The following MIPOL1 variants were observed in gnomAD, a reference collection of about 807,000 sequenced individuals.
MIPOL1 encodes the protein mirror-image polydactyly gene 1 protein.
A neutral mutation model predicts 60.9 loss-of-function variants in MIPOL1; 57 were observed. That is an observed-to-expected ratio of 0.94 (90% confidence interval 0.76 to 1.17). The LOEUF is 1.17. Among genes scored for constraint, MIPOL1 ranks in the 50% most tolerant of loss-of-function variants. The pLI is 0.00. For missense variants in MIPOL1, 551 were observed against 511.6 expected (o/e 1.08, Z -0.74); for synonymous variants, 179 against 168.8 (o/e 1.06, Z -0.47).
chr14:37,390,513 T>C (rs1326563930), intron 10 of MIPOL1, among the ~76,000 whole-genome samples: 2 of 152,194 alleles, frequency 1.3e-5, no homozygotes, highest in East Asian at 3.9e-4. Context: ...ACAGGGACTT[T>C]ACAATAGCTA....
At chr14:37,239,825 A>T (rs903613459) in intron 1 of MIPOL1, among the ~76,000 whole-genome samples, 1 of 152,208 alleles carries the variant, frequency 6.6e-6, no homozygotes, top group Non-Finnish European at 1.5e-5. Flanking sequence ...CTTGATAATG[A>T]ACAAGAAATT....
intron 11 of MIPOL1, among the ~76,000 whole-genome samples, chr14:37,448,860 A>G (rs2094377248): frequency 1.3e-5 from 2 of 152,220 alleles, no homozygotes; most frequent in Non-Finnish European, 1.5e-5. Context: ...GGTCACTCAT[A>G]GTTTTTGCAT....
At chr14:37,425,823 C>T (rs993522891) in intron 11 of MIPOL1, among the ~76,000 whole-genome samples, 8 of 152,084 alleles carry the variant, frequency 5.3e-5, no homozygotes, top group Non-Finnish European at 1.2e-4. Context: ...ATGATAAGGA[C>T]CAAAGGTATC....
At chr14:37,509,114 T>C (rs1475935634) in intron 12 of MIPOL1, among the ~76,000 whole-genome samples, 1 of 152,090 alleles carries the variant, frequency 6.6e-6, no homozygotes, top group East Asian at 1.9e-4. Flanking sequence ...GTCATCTATT[T>C]CCTTAAGCTT....
At chr14:37,520,926 CTTTTTTTTTTT>C (rs11299536) in intron 12 of MIPOL1, among the ~76,000 whole-genome samples, 16 of 47,724 alleles carry the variant, frequency 3.4e-4, no homozygotes, top group African/African-American at 1.3e-3. Context: ...TAACATTTTA[CTTTTTTTTTTT>C]TTTTTTTTTT....
At chr14:37,392,738 T>G (rs2093279089) in intron 10 of MIPOL1, among the ~76,000 whole-genome samples, 2 of 152,202 alleles carry the variant, frequency 1.3e-5, no homozygotes, top group South Asian at 4.1e-4. Context: ...GAATGGATGT[T>G]GAACTCTGTA....
rs1229640252 is a variant in MIPOL1, at chr14:37,200,876, G to A, written c.-199+2772G>A. Among the ~76,000 whole-genome samples, 72 of 103,386 alleles carry A rather than the reference G, an allele frequency of 7.0e-4. 3 individuals are homozygous for A. The highest frequency in any genetic ancestry group is 4.4e-3 in the African/African-American group (69 of 15,854). The allele number at this position is 103,386 out of a possible 152,430, so 67.8% of individuals were successfully genotyped here. On this transcript the variant is annotated intron_variant, in intron 1 of 12. Coordinates refer to ENST00000684589, the MANE Select transcript of MIPOL1 (RefSeq NM_001388067.1). ...TGTGTGTGTGTGTGTGTGTGTGTGT[G>A]TGTGTGTGTGTGTGTGTGTGTGTAT...
chr14:37,278,991 C>T lies in MIPOL1; in HGVS notation c.494-6327C>T, dbSNP rs372761466. 2.8e-4 allele frequency: 43 copies of T among 151,424 alleles called. No individual in the cohort carries two copies. In the East Asian group the frequency reaches 3.1e-3, roughly 11 times the overall value. The allele number at this position is 151,424 out of a possible 1,614,324, so 9.4% of individuals were successfully genotyped here. Reference sequence around the variant, plus strand: ...TCCTCTCTGAATCTTTCTCATTTGACTAAGAATTATAGGATATTTGATAAC... The same window carrying T: ...TCCTCTCTGAATCTTTCTCATTTGATTAAGAATTATAGGATATTTGATAAC... On this transcript the variant is annotated intron_variant, in intron 6 of 12. Coordinates refer to ENST00000684589, the MANE Select transcript of MIPOL1 (RefSeq NM_001388067.1).
intron 9 of MIPOL1, among the ~76,000 whole-genome samples, chr14:37,314,264 C>T (rs2087645880): frequency 6.6e-6 from 1 of 151,980 alleles, no homozygotes; most frequent in Non-Finnish European, 1.5e-5. Flanking sequence ...TCATGTTCAA[C>T]ATTGATAGAA....
intron 9 of MIPOL1, among the ~76,000 whole-genome samples, chr14:37,349,958 A>G (rs2091232610): frequency 6.6e-6 from 1 of 152,212 alleles, no homozygotes; most frequent in African/African-American, 2.4e-5. Flanking sequence ...GGGATAAATT[A>G]GTTACATAGT....
At chr14:37,208,004 T>G (rs1024102656) in intron 1 of MIPOL1, among the ~76,000 whole-genome samples, 2 of 152,224 alleles carry the variant, frequency 1.3e-5, no homozygotes, top group East Asian at 1.9e-4. Flanking sequence ...GATTTGGTGT[T>G]TTTTTATAGT....
intron 11 of MIPOL1, among the ~76,000 whole-genome samples, chr14:37,425,311 T>A (rs928300655): frequency 6.6e-6 from 1 of 152,212 alleles, no homozygotes; most frequent in African/African-American, 2.4e-5. Flanking sequence ...CCTTCTCTGC[T>A]GAATTGTGGA....
At chr14:37,288,705 A>G (rs1194896722) in intron 7 of MIPOL1, among the ~76,000 whole-genome samples, 1 of 152,026 alleles carries the variant, frequency 6.6e-6, no homozygotes, top group East Asian at 1.9e-4. Flanking sequence ...CAGCTACTTT[A>G]TAGGCTGAGG....
intron 12 of MIPOL1, among the ~76,000 whole-genome samples, chr14:37,527,532 T>C (rs749155480): frequency 2.0e-5 from 3 of 152,112 alleles, no homozygotes; most frequent in Non-Finnish European, 4.4e-5. Flanking sequence ...TCATAAATCA[T>C]CTCTTCCAAT....
At chr14:37,534,066 G>A (rs1260931236) in intron 12 of MIPOL1, among the ~76,000 whole-genome samples, 3 of 136,982 alleles carry the variant, frequency 2.2e-5, no homozygotes, top group Admixed American at 7.5e-5. Context: ...CCATCCTGGC[G>A]AGACTCCATC....
At chr14:37,334,289 T>A (rs915564799) in intron 9 of MIPOL1, among the ~76,000 whole-genome samples, 3 of 151,976 alleles carry the variant, frequency 2.0e-5, no homozygotes, top group Non-Finnish European at 4.4e-5. Context: ...ATATTGATAA[T>A]TGAATATTTT....
intron 11 of MIPOL1, among the ~76,000 whole-genome samples, chr14:37,469,023 T>C (rs1488484483): frequency 6.6e-6 from 1 of 152,198 alleles, no homozygotes; most frequent in Non-Finnish European, 1.5e-5. Flanking sequence ...TGAGGAGCCA[T>C]CAAAGTGTTT....
In MIPOL1 at chr14:37,549,009, A is replaced by T. The variant is rs1437170769; in HGVS notation, c.*2038A>T. ...GAAAATGAATTGTCTACAAAATTTC[A>T]AATGCAAAGTATTACAGCCAAATAT... On this transcript the variant is annotated 3_prime_UTR_variant, in exon 13 of 13. Transcript: ENST00000684589. 6.6e-6 allele frequency: 1 copy of T among 152,028 alleles called. No homozygotes were observed. Among genetic ancestry groups the T allele is most frequent in the Non-Finnish European group, 1.5e-5 (1 of 67,856 alleles). 9.4% of individuals were successfully genotyped at this position (152,028 alleles called of 1,614,324 possible).
chr14:37,463,481 C>T (rs1049379592), intron 11 of MIPOL1, among the ~76,000 whole-genome samples: 6 of 152,232 alleles, frequency 3.9e-5, no homozygotes, highest in South Asian at 2.1e-4. Context: ...TGATCTTTGA[C>T]GGAGTTGATA....
Sources: gnomAD v4.1 joint callset for allele counts (sites outside exome capture counted in the v4.1 genomes callset) on GRCh38, gnomAD v4.1.1 for gene constraint, MANE v1.5 for transcripts, NCBI Gene and HGNC (gene_info 2026-07-23, HGNC 2026-07-21) for gene names.